The following WWOX variants were observed in gnomAD, a reference collection of about 807,000 sequenced individuals.
WWOX encodes WW domain-containing oxidoreductase.
WWOX carries 69 observed loss-of-function variants against 46.2 expected under a neutral mutation model. The observed-to-expected ratio is 1.49, with a 90% CI of 1.23 to 1.82. The LOEUF (loss-of-function observed/expected upper bound fraction) is 1.82, where lower values mean the gene tolerates loss of function less well. Ranked by LOEUF, WWOX falls within the 40% of genes most tolerant of loss-of-function variation. The probability of loss-of-function intolerance (pLI) is 0.00; values close to 1 mark genes in which losing one functional copy is unlikely to be tolerated. For missense variants in WWOX, 919 were observed against 542.6 expected (o/e 1.69, Z -6.89); for synonymous variants, 359 against 202.6 (o/e 1.77, Z -6.56).
chr16:78,420,747 A>G (rs1427410470), intron 6 of WWOX, among the ~76,000 whole-genome samples: 1 of 151,818 alleles, frequency 6.6e-6, no homozygotes, highest in Non-Finnish European at 1.5e-5. Flanking sequence ...GCTGTACAGT[A>G]TACATAGGTA....
intron 8 of WWOX, among the ~76,000 whole-genome samples, chr16:78,836,314 G>C (rs1367135685): frequency 6.6e-6 from 1 of 152,104 alleles, no homozygotes; most frequent in African/African-American, 2.4e-5. Context: ...CACACAAGGA[G>C]GTAAAACCTT....
chr16:78,233,683 C>T (rs147978271), intron 5 of WWOX, among the ~76,000 whole-genome samples: 1,750 of 152,120 alleles, frequency 0.012, 18 homozygotes, highest in African/African-American at 0.024. Context: ...CCTGCCACTA[C>T]ACCTGGCTAA....
At chr16:78,234,698 C>A (rs1405125227) in intron 5 of WWOX, among the ~76,000 whole-genome samples, 1 of 152,072 alleles carries the variant, frequency 6.6e-6, no homozygotes, top group African/African-American at 2.4e-5. Flanking sequence ...GCATTGACCA[C>A]CATTCACTTT....
chr16:78,984,086 G>C (rs2046737339), intron 8 of WWOX, among the ~76,000 whole-genome samples: 1 of 151,956 alleles, frequency 6.6e-6, no homozygotes. Context: ...CACTGTCTTA[G>C]CCAGGATGGT....
intron 8 of WWOX, among the ~76,000 whole-genome samples, chr16:78,804,383 T>A (rs62038646): frequency 0.044 from 6,623 of 150,096 alleles, 179 homozygotes; most frequent in Admixed American, 0.065. Context: ...AATTAACAGC[T>A]CTTGGAGGTA....
At position 78,152,000 on chromosome 16, in the gene WWOX, C is replaced by G. The variant is rs188410817; in HGVS notation, c.410-12183C>G. Among the ~76,000 whole-genome samples, 472 of 152,282 alleles carry G rather than the reference C, an allele frequency of 3.1e-3. 3 individuals are homozygous for G. The highest frequency in any genetic ancestry group is 0.01 in the African/African-American group (428 of 41,572). ...GGTCAGGAGATGGAGACCGTCCTGG[C>G]TAACACGGTGAAACCCCGTCTCTAC... On this transcript the variant is annotated intron_variant, in intron 4 of 8. Transcript: ENST00000566780.
rs76094028 is a variant in WWOX, at chr16:78,197,336, C to T, written c.516+33047C>T. ...ACCAAGCTTTAATATGAGCACACCT[C>T]CTGGATGATGCTGTAAATTAGTTGC... On this transcript the variant is annotated intron_variant, in intron 5 of 8. Transcript: ENST00000566780. Among the ~76,000 whole-genome samples, 311 of 152,302 alleles carry T rather than the reference C, an allele frequency of 2.0e-3. 2 individuals are homozygous for T. Among genetic ancestry groups the T allele is most frequent in the African/African-American group, 7.2e-3 (300 of 41,572 alleles).
intron 8 of WWOX, among the ~76,000 whole-genome samples, chr16:79,136,945 C>G (rs530614303): frequency 2.6e-5 from 4 of 152,170 alleles, no homozygotes; most frequent in African/African-American, 2.4e-5. Flanking sequence ...ATTAATCCTC[C>G]CCCTATCTTA....
intron 8 of WWOX, among the ~76,000 whole-genome samples, chr16:79,063,309 T>C (rs1003295054): frequency 5.9e-5 from 9 of 152,220 alleles, no homozygotes; most frequent in African/African-American, 4.8e-5. Context: ...GTTTTTGAAG[T>C]GTTCTTATTT....
chr16:78,452,878 T>TATACATACATAC (rs1555542797), intron 8 of WWOX, among the ~76,000 whole-genome samples: 3 of 143,108 alleles, frequency 2.1e-5, no homozygotes, highest in South Asian at 4.2e-4. Flanking sequence ...TATATATATA[T>TATACATACATAC]ATACATATTT....
At chr16:78,761,098 T>G (rs2049781308) in intron 8 of WWOX, among the ~76,000 whole-genome samples, 1 of 152,136 alleles carries the variant, frequency 6.6e-6, no homozygotes, top group Admixed American at 6.5e-5. Flanking sequence ...AGATGCGATT[T>G]GGGTGGGGAC....
intron 8 of WWOX, among the ~76,000 whole-genome samples, chr16:78,840,267 C>T (rs923247326): frequency 6.6e-5 from 10 of 152,296 alleles, no homozygotes; most frequent in South Asian, 4.1e-4. Context: ...TGAGCAAAAT[C>T]CTGAACCTCT....
chr16:79,002,482 C>G (rs2047113452), intron 8 of WWOX, among the ~76,000 whole-genome samples: 3 of 152,124 alleles, frequency 2.0e-5, no homozygotes, highest in South Asian at 4.1e-4. Context: ...CTTGGCCTCC[C>G]AAAGTGCTGG....
intron 8 of WWOX, among the ~76,000 whole-genome samples, chr16:78,633,681 C>T (rs1426989243): frequency 3.3e-5 from 5 of 152,248 alleles, no homozygotes; most frequent in East Asian, 3.9e-4. Flanking sequence ...CTACCTCCTG[C>T]GTGCTTTTAT....
intron 8 of WWOX, among the ~76,000 whole-genome samples, chr16:78,774,092 C>T (rs576826646): frequency 6.6e-6 from 1 of 152,254 alleles, no homozygotes; most frequent in South Asian, 2.1e-4. Context: ...GAAAGAAGGG[C>T]TGGAGATTTT....
chr16:78,470,757 G>C (rs1327459972), intron 8 of WWOX, among the ~76,000 whole-genome samples: 5 of 152,046 alleles, frequency 3.3e-5, no homozygotes, highest in Non-Finnish European at 5.9e-5. Context: ...TTGAACTCCT[G>C]ACCTCAGGTG....
At chr16:78,991,175 G>A (rs539936518) in intron 8 of WWOX, among the ~76,000 whole-genome samples, 1 of 152,274 alleles carries the variant, frequency 6.6e-6, no homozygotes, top group East Asian at 1.9e-4. Flanking sequence ...CAAAGTCAAA[G>A]AAGAAATTTG....
chr16:78,591,987 C>A (rs1323169178), intron 8 of WWOX, among the ~76,000 whole-genome samples: 1 of 152,186 alleles, frequency 6.6e-6, no homozygotes. Context: ...CTTCTTATTT[C>A]AATAGATATC....
At chr16:78,316,739 C>T (rs894802362) in intron 5 of WWOX, among the ~76,000 whole-genome samples, 1 of 152,130 alleles carries the variant, frequency 6.6e-6, no homozygotes, top group Non-Finnish European at 1.5e-5. Flanking sequence ...GCTTCTGTTA[C>T]TGGAAAATGG....
Sources: gnomAD v4.1 joint callset for allele counts (sites outside exome capture counted in the v4.1 genomes callset) on GRCh38, gnomAD v4.1.1 for gene constraint, MANE v1.5 for transcripts, NCBI Gene and HGNC (gene_info 2026-07-23, HGNC 2026-07-21) for gene names.